The following TMEM8B variants were observed in gnomAD, a reference collection of about 807,000 sequenced individuals.
TMEM8B encodes the protein nasopharyngeal carcinoma expressed 6.
A neutral mutation model predicts 49.3 loss-of-function variants in TMEM8B; 29 were observed. The ratio of observed to expected loss-of-function variants is 0.59; its 90% CI spans 0.44 to 0.80. The LOEUF is 0.80. Ranked by LOEUF, TMEM8B falls within the 30% of genes least tolerant of loss-of-function variation. TMEM8B has a pLI of 0.00. For synonymous variants in TMEM8B, 264 were observed against 272.8 expected, an observed-to-expected ratio of 0.97 and a Z score of 0.32; for missense variants, 575 against 658.5, an observed-to-expected ratio of 0.87 and a Z score of 1.39.
At chr9:35,831,294 A>T in intron 1 of TMEM8B, among the ~76,000 whole-genome samples, 1 of 152,064 alleles carries the variant, frequency 6.6e-6, no homozygotes, top group Non-Finnish European at 1.5e-5. Flanking sequence ...GTGTTATGGT[A>T]TGAAGGGGAG....
rs952104586 is a variant in TMEM8B, at chr9:35,829,261, G to T, written c.-187G>T. ...GTCAAGTCGAGGCCGCCGCCGCGGG[G>T]CCTGGTTATCGCCGGTTCAGCGCAG... On this transcript the variant is annotated 5_prime_UTR_variant, in exon 1 of 13. Transcript: ENST00000643932. 1 of 355,714 alleles carries T rather than the reference G, an allele frequency of 2.8e-6. No homozygotes were observed. The highest frequency in any genetic ancestry group is 5.1e-6 in the Non-Finnish European group (1 of 197,698). 22.0% of individuals were successfully genotyped at this position (355,714 alleles called of 1,614,324 possible).
At chr9:35,834,974 T>G in intron 2 of TMEM8B, 37 bp from the exon 3 acceptor site, 1 of 415,794 alleles carries the variant, frequency 2.4e-6, no homozygotes, top group Non-Finnish European at 4.4e-6. Context: ...CCCACCCCAT[T>G]GTCTGCTTTC....
At chr9:35,851,265 C>A (rs1362555223) in intron 10 of TMEM8B, among the ~76,000 whole-genome samples, 1 of 151,532 alleles carries the variant, frequency 6.6e-6, no homozygotes, top group Non-Finnish European at 1.5e-5. Context: ...CCCTGTTCCC[C>A]ACCAAGTAGC....
At chr9:35,847,970 C>T (rs1018560475) in intron 10 of TMEM8B, among the ~76,000 whole-genome samples, 2 of 152,206 alleles carry the variant, frequency 1.3e-5, no homozygotes, top group African/African-American at 2.4e-5. Context: ...TGCATGTGAG[C>T]ACTGCAAAAA....
chr9:35,832,837 G>C (rs1474591536), intron 1 of TMEM8B, among the ~76,000 whole-genome samples: 4 of 152,038 alleles, frequency 2.6e-5, no homozygotes, highest in Non-Finnish European at 5.9e-5. Context: ...AGCACAGCTA[G>C]GGTTCCTAGG....
chr9:35,847,105 T>C (rs1474752356), intron 10 of TMEM8B, 110 bp downstream of exon 10: 1 of 1,614,134 alleles, frequency 6.2e-7, no homozygotes, highest in Non-Finnish European at 8.5e-7. Context: ...GTGCCTTCAC[T>C]GTGTCTTCTA....
At chr9:35,836,491 T>C (rs1226920976) in intron 3 of TMEM8B, among the ~76,000 whole-genome samples, 1 of 152,260 alleles carries the variant, frequency 6.6e-6, no homozygotes, top group Non-Finnish European at 1.5e-5. Context: ...AGCCTGGCTC[T>C]AGTTATCCAA....
At chr9:35,836,194 A>G (rs1336565557) in intron 3 of TMEM8B, among the ~76,000 whole-genome samples, 4 of 152,208 alleles carry the variant, frequency 2.6e-5, no homozygotes, top group African/African-American at 9.6e-5. Context: ...GGGCTGAGGT[A>G]GTGTCTCTAG....
rs554471071 is a variant in TMEM8B at position 35,864,252 on chromosome 9, A to G, written c.*10412A>G. 24 of 152,366 alleles carry G rather than the reference A, an allele frequency of 1.6e-4. 1 individual carries two copies. The South Asian group carries it at 5.0e-3, about 32-fold the overall frequency. 9.4% of individuals were successfully genotyped at this position (152,366 alleles called of 1,614,324 possible). ...TTCCAACCTGAGGTCTGATAGACCC[A>G]GGGTTACTTTGCAAGCTAACTGACA... On this transcript the variant is annotated 3_prime_UTR_variant, in exon 13 of 13. Transcript: ENST00000643932.
In TMEM8B at chr9:35,841,074, C is replaced by T. The variant is rs2236292; in HGVS notation, c.907-60C>T. 66,329 of 414,000 alleles carry T rather than the reference C, an allele frequency of 0.16. 6,106 individuals are homozygous for T. Among genetic ancestry groups the T allele is most frequent in the East Asian group, 0.28 (7,712 of 28,032 alleles). 25.6% of individuals were successfully genotyped at this position (414,000 alleles called of 1,614,324 possible). ...AGCCCGCCCAGCAGGTTCTGTTTGC[C>T]TTGGTTTAGTCACACCCCTGCTGTC... On this transcript the variant is annotated intron_variant, in intron 3 of 12. Coordinates refer to ENST00000643932, the MANE Select transcript of TMEM8B (RefSeq NM_001042590.4). This position sits in a 1 kb window ranked among gnomAD's most constrained non-coding sequence, Gnocchi z 5.9.
rs1339831974 is a variant in TMEM8B at position 35,829,246 on chromosome 9, G to GGCC, written c.-193_-191dup. The GGCC allele has an allele frequency of 2.0e-5, 7 of 349,238 alleles. No homozygotes were observed. Among genetic ancestry groups the GGCC allele is most frequent in the East Asian group, 4.3e-5 (1 of 23,058 alleles). 21.6% of individuals were successfully genotyped at this position (349,238 alleles called of 1,614,324 possible). Reference sequence around the variant, plus strand: ...GGGCGTCACGCCGACGTCAAGTCGAGGCCGCCGCCGCGGGGCCTGGTTATC... The same window carrying GGCC: ...GGGCGTCACGCCGACGTCAAGTCGAGGCCGCCGCCGCCGCGGGGCCTGGTTATC... On this transcript the variant is annotated 5_prime_UTR_variant, in exon 1 of 13. Coordinates refer to ENST00000643932, the MANE Select transcript of TMEM8B (RefSeq NM_001042590.4).
rs1250158664 is a variant in TMEM8B at position 35,860,124 on chromosome 9, G to A, written c.*6284G>A. On this transcript the variant is annotated 3_prime_UTR_variant, in exon 13 of 13. Transcript: ENST00000643932. ...TTAGTTTCACCATCTGTATAATGAG[G>A]GAGTTGGACTTCAGATCTGCAATCT... is the stretch of plus-strand genomic sequence containing the variant. 6.6e-6 allele frequency: 1 copy of A among 152,218 alleles called. No homozygotes were observed. Among genetic ancestry groups the A allele is most frequent in the Non-Finnish European group, 1.5e-5 (1 of 68,054 alleles). 9.4% of individuals were successfully genotyped at this position (152,218 alleles called of 1,614,324 possible).
chr9:35,844,834 T>C (rs1831364308), intron 6 of TMEM8B, among the ~76,000 whole-genome samples: 1 of 152,254 alleles, frequency 6.6e-6, no homozygotes. Context: ...TTACATTCCA[T>C]CCATCTGCAT....
intron 1 of TMEM8B, among the ~76,000 whole-genome samples, chr9:35,832,270 C>T (rs1829997286): frequency 6.6e-6 from 1 of 151,446 alleles, no homozygotes; most frequent in Admixed American, 6.6e-5. Context: ...TATTGGGGAA[C>T]CTGGAATAAG....
In TMEM8B at chr9:35,861,218, C is replaced by T. The variant is rs1832647904; in HGVS notation, c.*7378C>T. On this transcript the variant is annotated 3_prime_UTR_variant, in exon 13 of 13. Transcript: ENST00000643932. ...TAGATTTCTTCTTTCTCTTATTCCTCCTGTTTCGTTGTATCCACGATTTGT... is the reference window on the plus strand; with the variant it reads ...TAGATTTCTTCTTTCTCTTATTCCTTCTGTTTCGTTGTATCCACGATTTGT... The T allele has an allele frequency of 6.6e-6, 1 of 152,326 alleles. No individual in the cohort carries two copies. Among genetic ancestry groups the T allele is most frequent in the African/African-American group, 2.4e-5 (1 of 41,454 alleles). 9.4% of individuals were successfully genotyped at this position (152,326 alleles called of 1,614,324 possible).
rs1272703118 is a variant in TMEM8B at position 35,829,456 on chromosome 9, G to A, written c.9G>A (p.Gln3=). 11 of 328,728 alleles carry A rather than the reference G, an allele frequency of 3.3e-5. No individual in the cohort carries two copies. The highest frequency in any genetic ancestry group is 2.4e-4 in the African/African-American group (10 of 42,060). The allele number at this position is 328,728 out of a possible 1,614,324, so 20.4% of individuals were successfully genotyped here. MA[Q]PLSRPLVLSQ... Reference sequence around the variant, plus strand: ...CGCCCCCGCCCCGGGCCATGGCCCAGCCCTTGTCCCGGCCCCTCGTCCTAT... The same window carrying A: ...CGCCCCCGCCCCGGGCCATGGCCCAACCCTTGTCCCGGCCCCTCGTCCTAT... Residue 3 remains glutamine, a synonymous_variant, in exon 1 of 13, where the codon CAG becomes CAA. Transcript: ENST00000643932.
Position 35,841,412 on chromosome 9 carries a change from A to G in TMEM8B, c.1041-114A>G. ...CCTCCCTCCCAGCACAGAGCGGGAG[A>G]CCTGAACAGGCCTCCTTCCCACCCT... On this transcript the variant is annotated intron_variant, in intron 4 of 12. Coordinates refer to ENST00000643932, the MANE Select transcript of TMEM8B (RefSeq NM_001042590.4). The surrounding 1 kb of genome is among the most constrained non-coding windows in gnomAD (Gnocchi z 5.9). The G allele has an allele frequency of 2.4e-6, 1 of 410,648 alleles. No homozygotes were observed. Among genetic ancestry groups the G allele is most frequent in the Non-Finnish European group, 4.4e-6 (1 of 226,764 alleles). 25.4% of individuals were successfully genotyped at this position (410,648 alleles called of 1,614,324 possible).
At position 35,842,577 on chromosome 9, in the gene TMEM8B, G is replaced by T; in HGVS notation, c.1495G>T (p.Asp499Tyr). 6.2e-7 allele frequency: 1 copy of T among 1,614,230 alleles called. No homozygotes were observed. The highest frequency in any genetic ancestry group is 8.5e-7 in the Non-Finnish European group (1 of 1,180,048). Reference protein sequence around the residue: ...PVRPTLRNELDTFSVHFYIFF... With the variant: ...PVRPTLRNELYTFSVHFYIFF... ...GCGCCCGACTCTGCGCAACGAGCTG[G>T]ACACCTTCTCTGTCCACTTCTACAT... is the stretch of plus-strand genomic sequence containing the variant. The change falls in exon 6 of 13, where the codon GAC becomes TAC. Residue 499 changes from aspartate (D) to tyrosine (Y), a missense_variant. Transcript: ENST00000643932. This position sits in a 1 kb window ranked among gnomAD's most constrained non-coding sequence, Gnocchi z 5.6.
chr9:35,851,141 C>T (rs1171433530), intron 10 of TMEM8B, among the ~76,000 whole-genome samples: 1 of 152,100 alleles, frequency 6.6e-6, no homozygotes, highest in East Asian at 1.9e-4. Context: ...TTGAGGGTCT[C>T]GTTCTGTCAC....
Sources: allele counts gnomAD v4.1 joint callset (sites outside exome capture counted in the v4.1 genomes callset), GRCh38; gene constraint gnomAD v4.1.1; non-coding constraint Gnocchi (gnomAD v3.1); transcripts MANE v1.5; gene names NCBI Gene and HGNC (gene_info 2026-07-23, HGNC 2026-07-21).